The following CYTH3 variants were observed in gnomAD, a reference collection of about 807,000 sequenced individuals.
CYTH3 encodes the protein cytohesin 3, also known as cytohesin-3.
Under a neutral mutation model 55.1 loss-of-function variants are expected in CYTH3, and 23 were observed. The observed-to-expected ratio is 0.42, with a 90% CI of 0.30 to 0.59. The LOEUF is 0.59. Among genes scored for constraint, CYTH3 ranks in the 20% least tolerant of loss-of-function variants. The pLI is 0.20. For synonymous variants in CYTH3, 249 were observed against 194.9 expected (o/e 1.28, Z -2.31); for missense variants, 413 against 524.8 (o/e 0.79, Z 2.08).
intron 1 of CYTH3, among the ~76,000 whole-genome samples, chr7:6,254,107 G>A (rs747117186): frequency 5.2e-4 from 79 of 152,052 alleles, no homozygotes; most frequent in Non-Finnish European, 9.1e-4. Flanking sequence ...ACGTGAACCC[G>A]GGAGACGGAG....
At chr7:6,179,656 A>T (rs1583749043) in intron 4 of CYTH3, among the ~76,000 whole-genome samples, 3 of 69,710 alleles carry the variant, frequency 4.3e-5, no homozygotes, top group African/African-American at 1.3e-4. Context: ...CCCACACCCC[A>T]CACACACCCC....
Position 6,165,240 on chromosome 7 carries a change from C to CG in CYTH3, c.1127+32dup, listed in dbSNP as rs373802531. On this transcript the variant is annotated intron_variant, in intron 12 of 12. Coordinates refer to ENST00000350796, the MANE Select transcript of CYTH3 (RefSeq NM_004227.4). ...CCGCCCTCCAACCGGCACGAGAAGACGGGCCTGGCCCCGCCCCCGAGGCCC... is the reference window on the plus strand; with the variant it reads ...CCGCCCTCCAACCGGCACGAGAAGACGGGGCCTGGCCCCGCCCCCGAGGCCC... The CG allele has an allele frequency of 5.7e-6, 9 of 1,589,190 alleles. No homozygotes were observed. The African/African-American group carries it at 8.1e-5, about 14-fold the overall frequency.
chr7:6,221,843 T>C (rs757387755), intron 1 of CYTH3, among the ~76,000 whole-genome samples: 2 of 152,026 alleles, frequency 1.3e-5, no homozygotes, highest in South Asian at 4.1e-4. Context: ...TCCCAGCTAC[T>C]GGGAAGGCTG....
intron 4 of CYTH3, among the ~76,000 whole-genome samples, 173 bp downstream of exon 4, chr7:6,186,877 C>T (rs1783667089): frequency 1.3e-5 from 2 of 152,254 alleles, no homozygotes; most frequent in African/African-American, 4.8e-5. Flanking sequence ...CAAGGCACTT[C>T]TGCTTCACCC....
chr7:6,165,235 G>T, intron 12 of CYTH3, 38 bp downstream of exon 12: 1 of 1,588,040 alleles, frequency 6.3e-7, no homozygotes, highest in South Asian at 1.1e-5. Context: ...ACCGGCACGA[G>T]AAGACGGGCC....
At chr7:6,208,591 T>TGGG (rs774252188) in intron 1 of CYTH3, among the ~76,000 whole-genome samples, 79 of 152,214 alleles carry the variant, frequency 5.2e-4, no homozygotes, top group Non-Finnish European at 1.1e-3. Flanking sequence ...TCACCCAGGT[T>TGGG]GGGGGGCAAT....
chr7:6,234,899 T>A (rs1004698909), intron 1 of CYTH3, among the ~76,000 whole-genome samples: 1 of 152,174 alleles, frequency 6.6e-6, no homozygotes, highest in African/African-American at 2.4e-5. Context: ...GTGGCCCAAG[T>A]TGGTAAAGAA....
intron 4 of CYTH3, among the ~76,000 whole-genome samples, chr7:6,185,674 T>C (rs532461612): frequency 1.4e-5 from 2 of 148,122 alleles, no homozygotes; most frequent in East Asian, 2.0e-4. Context: ...CACTCCAGCC[T>C]GGGCAACAGA....
At chr7:6,221,597 C>T (rs1207385119) in intron 1 of CYTH3, among the ~76,000 whole-genome samples, 1 of 152,100 alleles carries the variant, frequency 6.6e-6, no homozygotes, top group Non-Finnish European at 1.5e-5. Context: ...ATTGCAGTTA[C>T]ATAAGATGTA....
chr7:6,201,182 G>A (rs1032487972), intron 1 of CYTH3, among the ~76,000 whole-genome samples: 14 of 152,300 alleles, frequency 9.2e-5, no homozygotes, highest in East Asian at 7.7e-4. Context: ...CTCGACAGTC[G>A]GGTGACCTCA....
chr7:6,217,301 C>A (rs1003800901), intron 1 of CYTH3, among the ~76,000 whole-genome samples: 3 of 152,028 alleles, frequency 2.0e-5, no homozygotes, highest in African/African-American at 2.4e-5. Context: ...ATACATGACC[C>A]ACCTAGATGC....
chr7:6,245,320 G>C (rs1275584440), intron 1 of CYTH3, among the ~76,000 whole-genome samples: 1 of 151,898 alleles, frequency 6.6e-6, no homozygotes, highest in Non-Finnish European at 1.5e-5. Context: ...TTTTCATTTT[G>C]ATACCTAAAT....
At chr7:6,180,414 A>T (rs1783477289) in intron 4 of CYTH3, among the ~76,000 whole-genome samples, 1 of 152,234 alleles carries the variant, frequency 6.6e-6, no homozygotes, top group African/African-American at 2.4e-5. Context: ...TATGAGACAG[A>T]GAGGAGAAGG....
At chr7:6,267,998 C>A (rs1347518122) in intron 1 of CYTH3, among the ~76,000 whole-genome samples, 1 of 152,174 alleles carries the variant, frequency 6.6e-6, no homozygotes, top group African/African-American at 2.4e-5. Flanking sequence ...TTCCTTCCCA[C>A]CTATATTCCC....
chr7:6,201,598 A>G (rs1160771099), intron 1 of CYTH3, among the ~76,000 whole-genome samples: 1 of 152,212 alleles, frequency 6.6e-6, no homozygotes, highest in Non-Finnish European at 1.5e-5. Flanking sequence ...ATCAAGAGAA[A>G]ATGATGAGCA....
At chr7:6,259,785 ATATATATATATATATATATATATATAT>A (rs1562417672) in intron 1 of CYTH3, among the ~76,000 whole-genome samples, 4 of 14,454 alleles carry the variant, frequency 2.8e-4, no homozygotes, top group Non-Finnish European at 3.6e-4. Flanking sequence ...TATATATATA[ATATATATATATATATATATATATATAT>A]AATATATATA....
chr7:6,197,721 A>C (rs150698397), intron 1 of CYTH3, among the ~76,000 whole-genome samples: 17 of 152,264 alleles, frequency 1.1e-4, no homozygotes, highest in Non-Finnish European at 2.2e-4. Flanking sequence ...AATTATAACA[A>C]TTATTAAATC....
intron 1 of CYTH3, among the ~76,000 whole-genome samples, chr7:6,200,055 G>A (rs1319049453): frequency 6.6e-6 from 1 of 152,168 alleles, no homozygotes; most frequent in Admixed American, 6.5e-5. Flanking sequence ...ATTGTAAGAT[G>A]TATGCTTAAT....
At chr7:6,166,314 C>T (rs529353590) in intron 9 of CYTH3, among the ~76,000 whole-genome samples, 1 of 152,370 alleles carries the variant, frequency 6.6e-6, no homozygotes, top group African/African-American at 2.4e-5. Context: ...CTGTACCTGC[C>T]CTCCTCTCCC....
Sources: gnomAD v4.1 joint callset for allele counts (sites outside exome capture counted in the v4.1 genomes callset) on GRCh38, gnomAD v4.1.1 for gene constraint, MANE v1.5 for transcripts, NCBI Gene and HGNC (gene_info 2026-07-23, HGNC 2026-07-21) for gene names.